The following PTPRA variants were observed in gnomAD, a reference collection of about 807,000 sequenced individuals.
The protein encoded by PTPRA is protein tyrosine phosphatase receptor type A, also known as receptor-type tyrosine-protein phosphatase alpha.
Under a neutral mutation model 104.8 loss-of-function variants are expected in PTPRA, and 25 were observed. That is an observed-to-expected ratio of 0.24 (90% confidence interval 0.17 to 0.33). The LOEUF (loss-of-function observed/expected upper bound fraction) is 0.33. Ranked by LOEUF, PTPRA falls within the 10% of genes least tolerant of loss-of-function variation. The pLI is 1.00. For synonymous variants in PTPRA, 323 were observed against 368.9 expected (o/e 0.88, Z 1.43); for missense variants, 765 against 1,015.3 (o/e 0.75, Z 3.35).
At chr20:3,003,372 G>C (rs2063721765) in intron 9 of PTPRA, among the ~76,000 whole-genome samples, 2 of 152,192 alleles carry the variant, frequency 1.3e-5, no homozygotes, top group Admixed American at 1.3e-4. Flanking sequence ...AAATAATGAT[G>C]AAGTAAATAA....
At position 3,022,136 on chromosome 20, in the gene PTPRA, T is replaced by A; in HGVS notation, c.1244T>A (p.Phe415Tyr). Residue 415 changes from phenylalanine (F) to tyrosine (Y), a missense_variant, in exon 15 of 24, where the codon TTT (phenylalanine) becomes TAT (tyrosine). Physicochemically the swap from Phe to Tyr is conservative, Grantham distance 22. Around this residue, in one of 4 missense-constraint regions of PTPRA, gnomAD observed 245 missense variants for 398.7 expected, o/e 0.61. Coordinates refer to ENST00000399903, the MANE Select transcript of PTPRA (RefSeq NM_001385305.1). The surrounding 1 kb of genome is among the most constrained non-coding windows in gnomAD (Gnocchi z 4.6). ...FTSWPDFGVP[F>Y]TPIGMLKFLK... ...AGCTGGCCAGACTTTGGGGTGCCTT[T>A]TACCCCGATCGGCATGCTCAAGTTC... The A allele has an allele frequency of 6.2e-7, 1 of 1,614,204 alleles. No individual in the cohort carries two copies. Among genetic ancestry groups the A allele is most frequent in the Non-Finnish European group, 8.5e-7 (1 of 1,180,036 alleles).
At chr20:3,026,193 T>C (rs1328146667) in intron 17 of PTPRA, among the ~76,000 whole-genome samples, 1 of 151,934 alleles carries the variant, frequency 6.6e-6, no homozygotes, top group East Asian at 2.0e-4. Context: ...CACCTTGGCC[T>C]CCCAAAGTGC....
chr20:2,865,950 G>T, the PTPRA span: 1 of 524,530 alleles, frequency 1.9e-6, no homozygotes, highest in Non-Finnish European at 3.4e-6. This position sits in a 1 kb window ranked among gnomAD's most constrained non-coding sequence, Gnocchi z 5.2. Context: ...CCTGTTGCAA[G>T]GGGTAATGGT....
At chr20:2,937,570 G>A (rs1039164167) in intron 2 of PTPRA, among the ~76,000 whole-genome samples, 23 of 152,108 alleles carry the variant, frequency 1.5e-4, no homozygotes, top group Admixed American at 3.3e-4. Context: ...GTGTATGTAT[G>A]TGTGTCTGTA....
chr20:2,884,833 G>A (rs1442816839), intron 1 of PTPRA, among the ~76,000 whole-genome samples: 3 of 142,558 alleles, frequency 2.1e-5, no homozygotes, highest in South Asian at 2.2e-4. Flanking sequence ...TTTTTGAGAC[G>A]GAGTCTCGCT....
intron 5 of PTPRA, among the ~76,000 whole-genome samples, chr20:2,965,893 C>A (rs1316070297): frequency 7.2e-5 from 11 of 152,100 alleles, no homozygotes; most frequent in Admixed American, 6.6e-4. Context: ...ACCTTAGGTA[C>A]CTTGTCTGTA....
At position 2,945,755 on chromosome 20, in the gene PTPRA, C is replaced by G. The variant is rs1018829824; in HGVS notation, c.-49-2227C>G. Among the ~76,000 whole-genome samples the G allele has an allele frequency of 2.0e-5, 3 of 151,850 alleles. 1 individual carries two copies. The highest frequency in any genetic ancestry group is 4.2e-4 in the South Asian group (2 of 4,804). On this transcript the variant is annotated intron_variant, in intron 2 of 23. Transcript: ENST00000399903. ...GCCAGCCTTGCCAACATGGTGAAAC[C>G]CTGTCTCTTCTGAAAATACAAAAAT...
chr20:2,970,892 A>G (rs2062157187), intron 5 of PTPRA, among the ~76,000 whole-genome samples: 1 of 151,962 alleles, frequency 6.6e-6, no homozygotes, highest in Admixed American at 6.6e-5. Flanking sequence ...TTTTTCCCCA[A>G]ATATCTAACT....
chr20:2,889,770 A>G (rs975432824), intron 1 of PTPRA, among the ~76,000 whole-genome samples: 4 of 152,186 alleles, frequency 2.6e-5, no homozygotes, highest in African/African-American at 9.7e-5. Context: ...AAGGGAACTA[A>G]GGGGTCTGTG....
chr20:3,013,396 T>G (rs1243234537), intron 11 of PTPRA, among the ~76,000 whole-genome samples: 1 of 149,262 alleles, frequency 6.7e-6, no homozygotes, highest in Non-Finnish European at 1.5e-5. Context: ...TTACTCATTT[T>G]TAGATGTCTA....
At chr20:2,938,491 T>C (rs905919487) in intron 2 of PTPRA, among the ~76,000 whole-genome samples, 1 of 152,018 alleles carries the variant, frequency 6.6e-6, no homozygotes, top group Non-Finnish European at 1.5e-5. Flanking sequence ...CAGTAGACAG[T>C]TTTTAGCCAT....
the PTPRA span, among the ~76,000 whole-genome samples, chr20:2,868,159 G>A: frequency 6.6e-6 from 1 of 152,178 alleles, no homozygotes; most frequent in Non-Finnish European, 1.5e-5. Flanking sequence ...TGGGTCCCAA[G>A]GACAAGCATC....
At chr20:2,939,659 A>G (rs568416240) in intron 2 of PTPRA, among the ~76,000 whole-genome samples, 28 of 152,338 alleles carry the variant, frequency 1.8e-4, no homozygotes, top group Admixed American at 1.4e-3. Flanking sequence ...AGGACATATT[A>G]GAAGTTAAAC....
intron 1 of PTPRA, among the ~76,000 whole-genome samples, chr20:2,882,755 TA>T (rs1262666488): frequency 1.3e-5 from 2 of 152,206 alleles, no homozygotes; most frequent in African/African-American, 4.8e-5. Context: ...GAATGTAAAT[TA>T]ATGGAACAGC....
chr20:3,026,553 C>A, intron 17 of PTPRA, 134 bp from the exon 18 acceptor site: 1 of 658,492 alleles, frequency 1.5e-6, no homozygotes, highest in South Asian at 1.9e-5. Flanking sequence ...CATATGGGAA[C>A]AGAGGTCAGG....
chr20:2,997,414 A>G (rs535706426), intron 9 of PTPRA, among the ~76,000 whole-genome samples: 11 of 152,248 alleles, frequency 7.2e-5, no homozygotes, highest in Non-Finnish European at 1.3e-4. Context: ...ATGGATATAT[A>G]ACATCTAGAA....
At chr20:2,953,785 T>C (rs1284947931) in intron 3 of PTPRA, among the ~76,000 whole-genome samples, 1 of 151,672 alleles carries the variant, frequency 6.6e-6, no homozygotes, top group Non-Finnish European at 1.5e-5. Flanking sequence ...TTTTTGTATT[T>C]TTAGTAGAGA....
chr20:3,012,620 AG>A (rs1276565195), intron 11 of PTPRA, among the ~76,000 whole-genome samples: 1 of 152,270 alleles, frequency 6.6e-6, no homozygotes, highest in African/African-American at 2.4e-5. Context: ...AGCATGGCTC[AG>A]GAAGTGTTTG....
chr20:2,959,646 T>C (rs191570302), intron 3 of PTPRA, among the ~76,000 whole-genome samples: 174 of 151,976 alleles, frequency 1.1e-3, no homozygotes, highest in African/African-American at 3.7e-3. Flanking sequence ...CACAGCAAAA[T>C]TGATCAAAAA....
Sources: allele counts gnomAD v4.1 joint callset (sites outside exome capture counted in the v4.1 genomes callset), GRCh38; gene constraint gnomAD v4.1.1; regional missense constraint gnomAD v4.1.1; non-coding constraint Gnocchi (gnomAD v3.1); transcripts MANE v1.5; gene names NCBI Gene and HGNC (gene_info 2026-07-23, HGNC 2026-07-21).